The following SYTL2 variants were observed in gnomAD, a reference collection of about 807,000 sequenced individuals.
SYTL2 encodes synaptotagmin-like protein 2.
SYTL2 carries 165 observed loss-of-function variants against 198.7 expected under a neutral mutation model. That is an observed-to-expected ratio of 0.83 (90% CI 0.73 to 0.94). The LOEUF is 0.94. Among genes scored for constraint, SYTL2 ranks in the 40% least tolerant of loss-of-function variants. SYTL2 has a pLI of 0.00. For synonymous variants in SYTL2, 966 were observed against 917.7 expected (o/e 1.05, Z -0.95); for missense variants, 2,835 against 2,582.8 (o/e 1.10, Z -2.12).
Position 85,726,333 on chromosome 11 carries a change from G to C in SYTL2, c.3025C>G (p.Gln1009Glu). 1 of 1,613,656 alleles carries C rather than the reference G, an allele frequency of 6.2e-7. No homozygotes were observed. The highest frequency in any genetic ancestry group is 8.5e-7 in the Non-Finnish European group (1 of 1,179,906). ...CTATTAAAAGGTGCAGAATTTTTTT[G>C]GCTTGTGGTGGTAATATTCTTGTCA... ...DNDKNITTTS[Q>E]KNSAPFNRQK... Residue 1009 changes from glutamine (Q) to glutamate (E), a missense_variant, in exon 8 of 20, where the codon CAA (glutamine) becomes GAA (glutamate). Physicochemically the swap from Gln to Glu is conservative, Grantham distance 29 (BLOSUM62 2). Coordinates refer to ENST00000359152, the MANE Select transcript of SYTL2 (RefSeq NM_206927.4).
rs958639720 is a variant in SYTL2, at chr11:85,726,846, A to G, written c.2512T>C (p.Ser838Pro). The G allele has an allele frequency of 2.1e-5, 33 of 1,536,414 alleles. No individual in the cohort carries two copies. Among genetic ancestry groups the G allele is most frequent in the Non-Finnish European group, 2.7e-5 (31 of 1,146,990 alleles). Residue 838 changes from serine (S) to proline (P), a missense_variant, in exon 8 of 20, where the codon TCC becomes CCC. Around this residue, in one of 3 missense-constraint regions of SYTL2, gnomAD observed 2,645 missense variants for 2,381.7 expected, o/e 1.11. Coordinates refer to ENST00000359152, the MANE Select transcript of SYTL2 (RefSeq NM_206927.4). ...TGGTCTGTAGATAAACTGTCCATGGATGATACACCCTGTGACTTCTTCACA... is the reference window on the plus strand; with the variant it reads ...TGGTCTGTAGATAAACTGTCCATGGGTGATACACCCTGTGACTTCTTCACA... ...QPVKKSQGVS[S>P]MDSLSTDQSE...
intron 1 of SYTL2, among the ~76,000 whole-genome samples, chr11:85,775,174 G>C (rs1305796197): frequency 6.6e-6 from 1 of 152,156 alleles, no homozygotes; most frequent in Admixed American, 6.5e-5. Context: ...CAGTGAAGGA[G>C]AGAATAATTA....
chr11:85,834,786 G>A, the SYTL2 span, among the ~76,000 whole-genome samples: 1 of 150,812 alleles, frequency 6.6e-6, no homozygotes, highest in Non-Finnish European at 1.5e-5. Context: ...TTTTGAGACA[G>A]GGTCTTTCTC....
chr11:85,797,425 C>G (rs538192688), intron 1 of SYTL2, among the ~76,000 whole-genome samples: 38 of 151,940 alleles, frequency 2.5e-4, no homozygotes, highest in African/African-American at 8.9e-4. Flanking sequence ...GTCAGGAATT[C>G]GAGACCAGCC....
At position 85,726,258 on chromosome 11, in the gene SYTL2, G is replaced by T. The variant is rs2089160314; in HGVS notation, c.3100C>A (p.His1034Asn). The change falls in exon 8 of 20, where the codon CAT becomes AAT. Residue 1034 changes from histidine (H) to asparagine (N), a missense_variant. This residue lies in a region of SYTL2 where 2,645 missense variants were observed against 2,381.7 expected (regional missense o/e 1.11). Coordinates refer to ENST00000359152, the MANE Select transcript of SYTL2 (RefSeq NM_206927.4). Reference protein sequence around the residue: ...SDIKLSGKNTHEAEVLLSPKK... With the variant: ...SDIKLSGKNTNEAEVLLSPKK... ...GGGCTTAGAAGCACCTCTGCTTCATGGGTATTTTTACCTGATAATTTAATG... is the reference window on the plus strand; with the variant it reads ...GGGCTTAGAAGCACCTCTGCTTCATTGGTATTTTTACCTGATAATTTAATG... The T allele has an allele frequency of 6.2e-7, 1 of 1,613,532 alleles. No individual in the cohort carries two copies. Among genetic ancestry groups the T allele is most frequent in the African/African-American group, 1.3e-5 (1 of 74,840 alleles).
intron 6 of SYTL2, among the ~76,000 whole-genome samples, chr11:85,734,955 C>T (rs2090188549): frequency 6.6e-6 from 1 of 152,172 alleles, no homozygotes; most frequent in South Asian, 2.1e-4. Flanking sequence ...TACTCTATGA[C>T]ACTACAATGG....
chr11:85,802,061 G>A (rs985928981), intron 1 of SYTL2, among the ~76,000 whole-genome samples: 7 of 151,774 alleles, frequency 4.6e-5, no homozygotes, highest in South Asian at 2.1e-4. Context: ...TGATCCACAC[G>A]CCTCAGGCTC....
rs2093024537 is a variant in SYTL2, at chr11:85,810,984, C to T, written c.-420G>A. 1 of 152,234 alleles carries T rather than the reference C, an allele frequency of 6.6e-6. No homozygotes were observed. Among genetic ancestry groups the T allele is most frequent in the South Asian group, 2.1e-4 (1 of 4,836 alleles). The allele number at this position is 152,234 out of a possible 1,614,324, so 9.4% of individuals were successfully genotyped here. On this transcript the variant is annotated 5_prime_UTR_variant, in exon 1 of 20. Transcript: ENST00000359152. Reference sequence around the variant, plus strand: ...AGTCGCTGCCGGGCAGGGAGCGCGCCTCGCCGTCTCTCTTGTCTTCTGGCC... The same window carrying T: ...AGTCGCTGCCGGGCAGGGAGCGCGCTTCGCCGTCTCTCTTGTCTTCTGGCC...
chr11:85,734,391 T>C lies in SYTL2; in HGVS notation c.938A>G (p.Glu313Gly). 1 of 1,614,206 alleles carries C rather than the reference T, an allele frequency of 6.2e-7. No individual in the cohort carries two copies. ...PGLTIHERIS[E>G]KEHSLEDNSS... The stretch of plus-strand genomic sequence containing the variant: ...GTTGTCTTCTAAAGAATGCTCCTTC[T>C]CAGAAATTCTCTCATGGATGGTTAG... The change falls in exon 7 of 20, where the codon GAG (glutamate) becomes GGG (glycine). Residue 313 changes from glutamate (E) to glycine (G), a missense_variant. Transcript: ENST00000359152.
chr11:85,734,377 A>C lies in SYTL2; in HGVS notation c.952T>G (p.Leu318Val), dbSNP rs569500785. 1 of 1,614,168 alleles carries C rather than the reference A, an allele frequency of 6.2e-7. No individual in the cohort carries two copies. Among genetic ancestry groups the C allele is most frequent in the Non-Finnish European group, 8.5e-7 (1 of 1,180,018 alleles). Residue 318 changes from leucine (L) to valine (V), a missense_variant, in exon 7 of 20, where the codon TTA becomes GTA. Physicochemically the swap from Leu to Val is conservative, Grantham distance 32 (BLOSUM62 1). Transcript: ENST00000359152. ...GAGTTTGGGGAAGAGTTGTCTTCTA[A>C]AGAATGCTCCTTCTCAGAAATTCTC... ...HERISEKEHSLEDNSSPNSLE... is the reference protein window; with the variant it reads ...HERISEKEHSVEDNSSPNSLE...
intron 1 of SYTL2, among the ~76,000 whole-genome samples, chr11:85,764,107 G>A (rs2092173641): frequency 6.6e-6 from 1 of 152,168 alleles, no homozygotes; most frequent in African/African-American, 2.4e-5. Context: ...CTTCACATTG[G>A]CTACATTTTA....
the SYTL2 span, among the ~76,000 whole-genome samples, chr11:85,843,684 T>C: frequency 6.6e-6 from 1 of 152,186 alleles, no homozygotes; most frequent in African/African-American, 2.4e-5. Flanking sequence ...AAGTTTCACA[T>C]TCTCCTACTT....
At chr11:85,817,696 C>A in the SYTL2 span, among the ~76,000 whole-genome samples, 1 of 152,100 alleles carries the variant, frequency 6.6e-6, no homozygotes, top group South Asian at 2.1e-4. Context: ...CCCATCACCT[C>A]CTTCCTACCA....
At chr11:85,849,600 T>C in the SYTL2 span, among the ~76,000 whole-genome samples, 40 of 151,192 alleles carry the variant, frequency 2.6e-4, no homozygotes, top group Non-Finnish European at 4.7e-4. Flanking sequence ...TAGTTGTAGA[T>C]ATGCGGCGTT....
chr11:85,749,938 A>G (rs963835673), intron 2 of SYTL2, among the ~76,000 whole-genome samples: 2 of 152,160 alleles, frequency 1.3e-5, no homozygotes, highest in Non-Finnish European at 2.9e-5. Context: ...CAGATCTTGC[A>G]GAGTGGAGGA....
intron 11 of SYTL2, 197 bp downstream of exon 11, chr11:85,717,286 C>G (rs1489715615): frequency 6.9e-6 from 3 of 436,174 alleles, no homozygotes; most frequent in Non-Finnish European, 1.2e-5. Context: ...CTCAGTGGAA[C>G]CACAAATCAT....
the SYTL2 span, among the ~76,000 whole-genome samples, chr11:85,817,323 C>A: frequency 6.4e-4 from 97 of 152,222 alleles, no homozygotes; most frequent in African/African-American, 2.1e-3. Context: ...GGATACACAG[C>A]CTGTGCTGTT....
At chr11:85,792,994 T>C (rs1024326003) in intron 1 of SYTL2, among the ~76,000 whole-genome samples, 7 of 151,992 alleles carry the variant, frequency 4.6e-5, no homozygotes, top group Admixed American at 3.9e-4. Context: ...TTCCATGGTG[T>C]ATATGTGCCA....
chr11:85,817,906 T>C, the SYTL2 span, among the ~76,000 whole-genome samples: 25 of 147,628 alleles, frequency 1.7e-4, 1 homozygote, highest in African/African-American at 5.0e-5. Flanking sequence ...TCTTTTCTTT[T>C]TTTTTTTTTT....
Sources: gnomAD v4.1 joint callset for allele counts (sites outside exome capture counted in the v4.1 genomes callset) on GRCh38, gnomAD v4.1.1 for gene constraint, gnomAD v4.1.1 regional missense constraint, MANE v1.5 for transcripts, NCBI Gene and HGNC (gene_info 2026-07-23, HGNC 2026-07-21) for gene names.